ATG5: variants seen among roughly 807,000 people sequenced by gnomAD.
The protein encoded by ATG5 is autophagy related 5, also known as autophagy protein 5.
In ATG5, 14 loss-of-function variants were observed where a neutral mutation model predicts 36.5. The ratio of observed to expected loss-of-function variants is 0.38; its 90% CI spans 0.25 to 0.60. ATG5 has a LOEUF of 0.60. ATG5 is among the 20% of genes least tolerant of loss of function. The pLI is 0.60. For missense variants in ATG5, 195 were observed against 326.7 expected (o/e 0.60, Z 3.11); for synonymous variants, 95 against 101.5 (o/e 0.94, Z 0.38).
intron 6 of ATG5, among the ~76,000 whole-genome samples, chr6:106,246,156 C>G (rs1011201587): frequency 1.3e-5 from 2 of 152,030 alleles, no homozygotes; most frequent in African/African-American, 4.8e-5. Context: ...TTATGTAGGT[C>G]AAATGAGAAC....
chr6:106,235,503 G>C (rs1201524152), intron 6 of ATG5, among the ~76,000 whole-genome samples: 2 of 152,118 alleles, frequency 1.3e-5, no homozygotes, highest in Admixed American at 1.3e-4. Flanking sequence ...AGGATTAGCT[G>C]GATTTCCTAG....
At chr6:106,281,152 T>C (rs189395188) in intron 4 of ATG5, among the ~76,000 whole-genome samples, 266 of 152,304 alleles carry the variant, frequency 1.7e-3, no homozygotes, top group Non-Finnish European at 2.5e-3. Flanking sequence ...CAGGAATTAA[T>C]TGAAAGTGAT....
intron 6 of ATG5, among the ~76,000 whole-genome samples, chr6:106,230,381 C>T (rs59725708): frequency 0.019 from 2,831 of 152,252 alleles, 30 homozygotes; most frequent in Middle Eastern, 0.041. Context: ...CTCAGCCTAG[C>T]TCTAGGACTC....
chr6:106,251,080 C>CA (rs1244138379), intron 5 of ATG5, among the ~76,000 whole-genome samples: 1 of 152,244 alleles, frequency 6.6e-6, no homozygotes, highest in East Asian at 1.9e-4. Context: ...TTCCTGCTTG[C>CA]ATAGGCACAC....
intron 1 of ATG5, among the ~76,000 whole-genome samples, chr6:106,323,534 C>A (rs1275730463): frequency 2.0e-5 from 3 of 152,004 alleles, no homozygotes; most frequent in Non-Finnish European, 4.4e-5. Flanking sequence ...CCATCACGCC[C>A]GGCCAAGTTA....
At chr6:106,296,945 T>C (rs986380094) in intron 3 of ATG5, among the ~76,000 whole-genome samples, 1 of 152,234 alleles carries the variant, frequency 6.6e-6, no homozygotes, top group Admixed American at 6.5e-5. Context: ...CAGAGGAAGA[T>C]GTTTCACAAT....
intron 5 of ATG5, among the ~76,000 whole-genome samples, chr6:106,264,984 C>G (rs1779172615): frequency 6.6e-6 from 1 of 152,036 alleles, no homozygotes. Context: ...CAAATTCACA[C>G]ATAACAATAT....
rs1775773598 is a variant in ATG5 at position 106,186,510 on chromosome 6, A to G, written c.*30T>C. The G allele has an allele frequency of 6.2e-7, 1 of 1,610,224 alleles. No homozygotes were observed. The highest frequency in any genetic ancestry group is 8.5e-7 in the Non-Finnish European group (1 of 1,177,046). ...ATGCTCTGATAAATCCCATTTAAGG[A>G]TGATTCTGTTCAGGCAAATAGTTGA... On this transcript the variant is annotated 3_prime_UTR_variant, in exon 8 of 8. Coordinates refer to ENST00000369076, the MANE Select transcript of ATG5 (RefSeq NM_004849.4).
chr6:106,245,895 C>T (rs1369746127), intron 6 of ATG5, among the ~76,000 whole-genome samples: 1 of 152,014 alleles, frequency 6.6e-6, no homozygotes, highest in Non-Finnish European at 1.5e-5. Context: ...ATAAAGAAGT[C>T]AGCAACAGAA....
intron 5 of ATG5, among the ~76,000 whole-genome samples, chr6:106,266,836 T>C (rs753600716): frequency 5.3e-5 from 8 of 152,220 alleles, no homozygotes; most frequent in East Asian, 1.9e-4. Context: ...AAGCTAGGTA[T>C]TGATGGAACA....
chr6:106,282,612 A>G (rs571375074), intron 4 of ATG5, among the ~76,000 whole-genome samples: 7 of 152,346 alleles, frequency 4.6e-5, no homozygotes, highest in Non-Finnish European at 8.8e-5. Context: ...ATAAACCATC[A>G]TGTAGCATGA....
chr6:106,240,760 T>A (rs1778090337), intron 6 of ATG5, among the ~76,000 whole-genome samples: 1 of 152,202 alleles, frequency 6.6e-6, no homozygotes, highest in Admixed American at 6.5e-5. Flanking sequence ...ACTGTAGTAC[T>A]GTTTATAATG....
At chr6:106,308,661 T>C (rs1770538311) in intron 2 of ATG5, among the ~76,000 whole-genome samples, 170 bp from the exon 3 acceptor site, 1 of 152,210 alleles carries the variant, frequency 6.6e-6, no homozygotes, top group African/African-American at 2.4e-5. Context: ...AAGGTTAAGA[T>C]GTTTTAATAT....
intron 5 of ATG5, among the ~76,000 whole-genome samples, chr6:106,251,099 G>T (rs1323952871): frequency 6.6e-6 from 1 of 152,192 alleles, no homozygotes; most frequent in Non-Finnish European, 1.5e-5. Flanking sequence ...ACTAATGGGC[G>T]CTTGCCCTTA....
chr6:106,252,783 T>G (rs1323335643), intron 5 of ATG5, among the ~76,000 whole-genome samples: 4 of 152,242 alleles, frequency 2.6e-5, no homozygotes, highest in Non-Finnish European at 5.9e-5. Context: ...GGTCTCCACA[T>G]GCATACACTA....
intron 7 of ATG5, among the ~76,000 whole-genome samples, chr6:106,188,629 T>A (rs554500310): frequency 1.3e-5 from 2 of 152,220 alleles, no homozygotes; most frequent in Admixed American, 1.3e-4. Flanking sequence ...AGTTTATGAG[T>A]TGTACAACAG....
intron 4 of ATG5, among the ~76,000 whole-genome samples, chr6:106,291,866 C>T (rs1241974451): frequency 2.0e-5 from 3 of 152,290 alleles, no homozygotes; most frequent in African/African-American, 7.2e-5. Flanking sequence ...TGGTAACTAA[C>T]GTGTTTAATA....
intron 2 of ATG5, among the ~76,000 whole-genome samples, chr6:106,310,350 T>C (rs1453358137): frequency 6.6e-6 from 1 of 152,134 alleles, no homozygotes; most frequent in Non-Finnish European, 1.5e-5. Flanking sequence ...AATATATCCA[T>C]AGAAACACTA....
intron 7 of ATG5, among the ~76,000 whole-genome samples, chr6:106,193,872 C>A (rs1373922374): frequency 1.3e-5 from 2 of 152,170 alleles, no homozygotes; most frequent in African/African-American, 4.8e-5. Context: ...TTGTTTTTAA[C>A]TGTCTGCATA....
Sources: gnomAD v4.1 joint callset for allele counts (sites outside exome capture counted in the v4.1 genomes callset) on GRCh38, gnomAD v4.1.1 for gene constraint, MANE v1.5 for transcripts, NCBI Gene and HGNC (gene_info 2026-07-23, HGNC 2026-07-21) for gene names.